Variants in ARHGEF38 observed in about 807,000 individuals in gnomAD.
The protein encoded by ARHGEF38 is Rho guanine nucleotide exchange factor (GEF) 38.
In ARHGEF38, 79 loss-of-function variants were observed where a neutral mutation model predicts 79.9. The observed-to-expected ratio is 0.99, with a 90% CI of 0.82 to 1.19. ARHGEF38 has a LOEUF of 1.19. Among genes scored for constraint, ARHGEF38 ranks in the 50% most tolerant of loss-of-function variants. The pLI, the probability that ARHGEF38 is intolerant of heterozygous loss-of-function variation, is 0.00. For missense variants in ARHGEF38, 962 were observed against 907.2 expected (o/e 1.06, Z -0.78); for synonymous variants, 366 against 328.3 (o/e 1.11, Z -1.24).
chr4:105,568,996 T>C (rs1465125308), intron 1 of ARHGEF38, among the ~76,000 whole-genome samples: 1 of 152,188 alleles, frequency 6.6e-6, no homozygotes, highest in Non-Finnish European at 1.5e-5. Flanking sequence ...AAGATTTCAA[T>C]ACAATTAAGA....
intron 9 of ARHGEF38, among the ~76,000 whole-genome samples, chr4:105,658,716 G>A (rs1466804643): frequency 6.6e-6 from 1 of 152,206 alleles, no homozygotes; most frequent in East Asian, 1.9e-4. Flanking sequence ...GATGAGAAAG[G>A]AGGGGAATGA....
chr4:105,647,086 A>G (rs1388406013), intron 6 of ARHGEF38, among the ~76,000 whole-genome samples: 1 of 152,158 alleles, frequency 6.6e-6, no homozygotes, highest in East Asian at 1.9e-4. Flanking sequence ...ACAAAGCAAA[A>G]TGTTAAGACT....
At chr4:105,626,156 T>TAAGCAACTC in intron 3 of ARHGEF38, among the ~76,000 whole-genome samples, 1 of 152,314 alleles carries the variant, frequency 6.6e-6, no homozygotes, top group East Asian at 1.9e-4. Flanking sequence ...GAATATACAA[T>TAAGCAACTC]AAGCAACTCA....
rs1363484134 is a variant in ARHGEF38, at chr4:105,553,469, G to A, written c.196+508G>A. ...GAAGGAATGTTATAGTCAGAGAGAC[G>A]GTATAAAAAGATTTGCTGAAATTCA... is the stretch of plus-strand genomic sequence containing the variant. On this transcript the variant is annotated intron_variant, in intron 1 of 13. Coordinates refer to ENST00000420470, the MANE Select transcript of ARHGEF38 (RefSeq NM_001242729.2). 3.9e-5 allele frequency among the ~76,000 whole-genome samples: 6 copies of A among 152,128 alleles called. No homozygotes were observed. The South Asian group carries it at 8.3e-4, about 21-fold the overall frequency.
intron 1 of ARHGEF38, among the ~76,000 whole-genome samples, chr4:105,568,581 A>T (rs181252683): frequency 6.6e-6 from 1 of 152,244 alleles, no homozygotes; most frequent in East Asian, 1.9e-4. Context: ...TTGTTAACTT[A>T]CCTTCAAATT....
In ARHGEF38 at chr4:105,677,783, G is replaced by C; in HGVS notation, c.2180G>C (p.Arg727Pro). Residue 727 changes from arginine (R) to proline (P), a missense_variant, in exon 14 of 14, where the codon CGG (arginine) becomes CCG (proline). Arg to Pro is a moderately radical substitution (Grantham distance 103). Transcript: ENST00000420470. ...TATGCAGTTCATGCTTTTCAAGCAC[G>C]GAGTGACCATGAACTCAGCCTTCAG... ...IFYAVHAFQA[R>P]SDHELSLQEY... 2.0e-6 allele frequency: 3 copies of C among 1,518,748 alleles called. No homozygotes were observed. Among genetic ancestry groups the C allele is most frequent in the South Asian group, 1.2e-5 (1 of 81,242 alleles). The allele number at this position is 1,518,748 out of a possible 1,614,324, so 94.1% of individuals were successfully genotyped here. A position where few individuals can be genotyped will look rare whatever the true frequency, so the allele number is the denominator to read the frequency against.
chr4:105,661,485 T>C (rs1204173727), intron 10 of ARHGEF38, among the ~76,000 whole-genome samples: 2 of 130,858 alleles, frequency 1.5e-5, no homozygotes, highest in African/African-American at 5.1e-5. Context: ...TTATTATTAT[T>C]ATTATTATTA....
chr4:105,596,908 T>G (rs1048901917), intron 2 of ARHGEF38, among the ~76,000 whole-genome samples: 13 of 152,228 alleles, frequency 8.5e-5, no homozygotes, highest in African/African-American at 3.1e-4. Flanking sequence ...ATACAGTGCA[T>G]AGCGGCTCTG....
intron 1 of ARHGEF38, among the ~76,000 whole-genome samples, chr4:105,579,920 G>A (rs924191683): frequency 2.0e-5 from 3 of 152,120 alleles, no homozygotes; most frequent in Non-Finnish European, 4.4e-5. Flanking sequence ...CTCATTATTG[G>A]TCTGTTCAGA....
rs1578363887 is a variant in ARHGEF38 at position 105,667,440 on chromosome 4, C to A, written c.1889-4C>A. On this transcript the variant is annotated splice_polypyrimidine_tract_variant and splice_region_variant and intron_variant, in intron 12 of 13. Coordinates refer to ENST00000420470, the MANE Select transcript of ARHGEF38 (RefSeq NM_001242729.2). ...GTTCTTCTTTCTTTTTATTTCCTAT[C>A]CAGATGTGAAAGGATATGTTTATTC... 3.9e-6 allele frequency: 6 copies of A among 1,535,958 alleles called. No homozygotes were observed. Among genetic ancestry groups the A allele is most frequent in the Non-Finnish European group, 5.2e-6 (6 of 1,146,838 alleles).
At chr4:105,648,505 A>G (rs1729949916) in intron 6 of ARHGEF38, 44 bp from the exon 7 acceptor site, 2 of 1,442,404 alleles carry the variant, frequency 1.4e-6, no homozygotes, top group South Asian at 1.5e-5. Context: ...CACACTTTCT[A>G]TGCTGCATGT....
rs138141910 is a variant in ARHGEF38 at position 105,558,831 on chromosome 4, T to C, written c.196+5870T>C. Among the ~76,000 whole-genome samples the C allele has an allele frequency of 7.9e-4, 120 of 151,886 alleles. 2 individuals are homozygous for C. The highest frequency in any genetic ancestry group is 2.7e-3 in the African/African-American group (110 of 41,444). ...TCTAGTTGTGCTTTTTTTTTTTGTTTATAAAAATTATGGGTTTATCAAAAT... is the reference window on the plus strand; with the variant it reads ...TCTAGTTGTGCTTTTTTTTTTTGTTCATAAAAATTATGGGTTTATCAAAAT... On this transcript the variant is annotated intron_variant, in intron 1 of 13. Transcript: ENST00000420470.
At chr4:105,650,848 A>G (rs1293356580) in intron 7 of ARHGEF38, among the ~76,000 whole-genome samples, 1 of 152,360 alleles carries the variant, frequency 6.6e-6, no homozygotes, top group African/African-American at 2.4e-5. Flanking sequence ...ACGTGGAACT[A>G]TAATGTAAGA....
chr4:105,622,974 G>A (rs759514863), intron 3 of ARHGEF38, among the ~76,000 whole-genome samples: 20 of 152,190 alleles, frequency 1.3e-4, no homozygotes, highest in Non-Finnish European at 2.6e-4. Context: ...TGTGTTACCA[G>A]TCCAAATTCT....
intron 13 of ARHGEF38, among the ~76,000 whole-genome samples, chr4:105,671,059 G>C (rs1208313222): frequency 6.6e-6 from 1 of 152,174 alleles, no homozygotes; most frequent in Non-Finnish European, 1.5e-5. Context: ...GGAAAAAAAT[G>C]AGATAGTATT....
chr4:105,615,017 T>G (rs1194456926), intron 3 of ARHGEF38, among the ~76,000 whole-genome samples: 1 of 152,190 alleles, frequency 6.6e-6, no homozygotes, highest in Non-Finnish European at 1.5e-5. Context: ...GGGCTTAAAG[T>G]ATAGATTCTA....
At chr4:105,650,668 T>C (rs1273480140) in intron 7 of ARHGEF38, among the ~76,000 whole-genome samples, 4 of 152,234 alleles carry the variant, frequency 2.6e-5, no homozygotes, top group Non-Finnish European at 5.9e-5. Context: ...CCTGTGAGTA[T>C]AATAAACTTC....
rs745381553 is a variant in ARHGEF38, at chr4:105,648,722, A to C, written c.1008+40A>C. The C allele has an allele frequency of 6.1e-6, 9 of 1,474,104 alleles. No individual in the cohort carries two copies. In the South Asian group the frequency reaches 9.7e-5, roughly 16 times the overall value. 91.3% of individuals were successfully genotyped at this position (1,474,104 alleles called of 1,614,324 possible). A position where few individuals can be genotyped will look rare whatever the true frequency, so the allele number is the denominator to read the frequency against. The stretch of plus-strand genomic sequence containing the variant: ...TGGACCACCCACCTTTTCCCAGGGA[A>C]CATGAATGCAGATATTTTTGTGAGG... On this transcript the variant is annotated intron_variant, in intron 7 of 13. Coordinates refer to ENST00000420470, the MANE Select transcript of ARHGEF38 (RefSeq NM_001242729.2).
intron 2 of ARHGEF38, among the ~76,000 whole-genome samples, chr4:105,604,027 C>G (rs567437281): frequency 3.3e-5 from 5 of 152,216 alleles, no homozygotes; most frequent in African/African-American, 1.2e-4. Flanking sequence ...ATGGAGACAT[C>G]CTGGGGAAGA....
Sources: gnomAD v4.1 joint callset for allele counts (sites outside exome capture counted in the v4.1 genomes callset) on GRCh38, gnomAD v4.1.1 for gene constraint, MANE v1.5 for transcripts, NCBI Gene and HGNC (gene_info 2026-07-23, HGNC 2026-07-21) for gene names.